SIT1: variants seen among roughly 807,000 people sequenced by gnomAD.
SIT1 encodes the protein signaling threshold-regulating transmembrane adapter 1.
Under a neutral mutation model 23.5 loss-of-function variants are expected in SIT1, and 19 were observed. That is an observed-to-expected ratio of 0.81 (90% CI 0.56 to 1.19). The LOEUF is 1.19. Ranked by LOEUF, SIT1 falls within the 50% of genes most tolerant of loss-of-function variation. The pLI, the probability that SIT1 is intolerant of heterozygous loss-of-function variation, is 0.00. For synonymous variants in SIT1, 114 were observed against 109.1 expected (o/e 1.04, Z -0.28); for missense variants, 213 against 254.9 (o/e 0.84, Z 1.12).
chr9:35,650,596 A>G lies in SIT1; in HGVS notation c.142T>C (p.Leu48=), dbSNP rs1014032159. ...AGAAATAGCAGCGTCACAGCCCCTA[A>G]GAGGACCCACAGTCCCCAGGCCTGG... ...ITQAWGLWVL[L]GAVTLLFLIS... is the part of the protein sequence containing the mutation. The change falls in exon 2 of 5, where the codon TTA becomes CTA. Residue 48 remains leucine (L), a synonymous_variant. Coordinates refer to ENST00000259608, the MANE Select transcript of SIT1 (RefSeq NM_014450.3). This position sits in a 1 kb window ranked among gnomAD's most constrained non-coding sequence, Gnocchi z 4.8. 6.2e-7 allele frequency: 1 copy of G among 1,613,766 alleles called. No homozygotes were observed. The highest frequency in any genetic ancestry group is 8.5e-7 in the Non-Finnish European group (1 of 1,179,994).
In SIT1 at chr9:35,650,474, C is replaced by G; in HGVS notation, c.236+28G>C. On this transcript the variant is annotated intron_variant, in intron 2 of 4. Coordinates refer to ENST00000259608, the MANE Select transcript of SIT1 (RefSeq NM_014450.3). This position sits in a 1 kb window ranked among gnomAD's most constrained non-coding sequence, Gnocchi z 4.8. ...TTCTCGGTAAGAGAGAACTCTCAGT[C>G]AACCCATCCCTGTTGTCCTTCACCC... 2 of 1,613,984 alleles carry G rather than the reference C, an allele frequency of 1.2e-6. No individual in the cohort carries two copies. The highest frequency in any genetic ancestry group is 3.3e-5 in the Admixed American group (2 of 60,022).
In SIT1 at chr9:35,650,484, C is replaced by T; in HGVS notation, c.236+18G>A. 1 of 1,614,102 alleles carries T rather than the reference C, an allele frequency of 6.2e-7. No homozygotes were observed. The highest frequency in any genetic ancestry group is 8.5e-7 in the Non-Finnish European group (1 of 1,179,994). ...GAGAGAACTCTCAGTCAACCCATCC[C>T]TGTTGTCCTTCACCCACCGTCCCTG... On this transcript the variant is annotated intron_variant, in intron 2 of 4. Transcript: ENST00000259608. This position sits in a 1 kb window ranked among gnomAD's most constrained non-coding sequence, Gnocchi z 4.8.
rs1823445176 is a variant in SIT1 at position 35,649,908 on chromosome 9, G to A, written c.531C>T (p.Arg177=). ...ELYASVCAQT[R]RARASFPDQA... ...GATCCGGGAAGGAGGCCCGGGCCCT[G>A]CGGGTCTGGGCACATACTGAGGCAT... The change falls in exon 5 of 5, where the codon CGC becomes CGT. Residue 177 remains arginine (R), a synonymous_variant. Transcript: ENST00000259608. 6.3e-7 allele frequency: 1 copy of A among 1,585,406 alleles called. No individual in the cohort carries two copies. Among genetic ancestry groups the A allele is most frequent in the Non-Finnish European group, 8.6e-7 (1 of 1,166,430 alleles).
Position 35,650,218 on chromosome 9 carries a change from T to C in SIT1, c.323A>G (p.Asp108Gly), listed in dbSNP as rs775087852. 5.0e-6 allele frequency: 8 copies of C among 1,613,878 alleles called. No homozygotes were observed. Among genetic ancestry groups the C allele is most frequent in the Non-Finnish European group, 6.8e-6 (8 of 1,179,954 alleles). ...GCCTCCAAGAGTTGGATCCTGCTGG[T>C]CTGGCTCTGGGTCTTGAGACAGCCG... ...TGRLSQDPEP[D>G]QQDPTLGGPA... is the part of the protein sequence containing the mutation. Residue 108 changes from aspartate (D) to glycine (G), a missense_variant, in exon 4 of 5, where the codon GAC becomes GGC. Coordinates refer to ENST00000259608, the MANE Select transcript of SIT1 (RefSeq NM_014450.3). The surrounding 1 kb of genome is among the most constrained non-coding windows in gnomAD (Gnocchi z 4.8).
rs200012423 is a variant in SIT1 at position 35,650,209 on chromosome 9, T to A, written c.332A>T (p.Asp111Val). The A allele has an allele frequency of 4.3e-6, 7 of 1,613,954 alleles. No homozygotes were observed. The highest frequency in any genetic ancestry group is 1.7e-5 in the Admixed American group (1 of 59,994). The part of the protein sequence containing the change: ...LSQDPEPDQQ[D>V]PTLGGPARAA... ...CCTGGCAGGGCCTCCAAGAGTTGGA[T>A]CCTGCTGGTCTGGCTCTGGGTCTTG... is the stretch of plus-strand genomic sequence containing the variant. Residue 111 changes from aspartate (D) to valine (V), a missense_variant, in exon 4 of 5, where the codon GAT becomes GTT. Transcript: ENST00000259608. The surrounding 1 kb of genome is among the most constrained non-coding windows in gnomAD (Gnocchi z 4.8).
At position 35,650,835 on chromosome 9, in the gene SIT1, G is replaced by C; in HGVS notation, c.19C>G (p.Arg7Gly). The C allele has an allele frequency of 6.2e-7, 1 of 1,611,278 alleles. No individual in the cohort carries two copies. Among genetic ancestry groups the C allele is most frequent in the Non-Finnish European group, 8.5e-7 (1 of 1,178,652 alleles). ...GTCCACAAGCACACTGCTCTGAGCCGAGGGTCAGCCTGGTTCATGGCCTGA... is the reference window on the plus strand; with the variant it reads ...GTCCACAAGCACACTGCTCTGAGCCCAGGGTCAGCCTGGTTCATGGCCTGA... MNQADPRLRAVCLWTLT... is the reference protein window; with the variant it reads MNQADPGLRAVCLWTLT... Residue 7 changes from arginine to glycine, a missense_variant, in exon 1 of 5, where the codon CGG (arginine) becomes GGG (glycine). By Grantham distance (125) the Arg-to-Gly change is moderately radical. Transcript: ENST00000259608. The surrounding 1 kb of genome is among the most constrained non-coding windows in gnomAD (Gnocchi z 4.8).
rs1823436649 is a variant in SIT1 at position 35,649,380 on chromosome 9, G to C, written c.*468C>G. ...CTGTATTCTCCTGCTAGGGTTCTTA[G>C]GTCAAAAGCCAGGCTCGGGTCCCTC... is the stretch of plus-strand genomic sequence containing the variant. On this transcript the variant is annotated 3_prime_UTR_variant, in exon 5 of 5. Transcript: ENST00000259608. 1 of 156,338 alleles carries C rather than the reference G, an allele frequency of 6.4e-6. No individual in the cohort carries two copies. Among genetic ancestry groups the C allele is most frequent in the South Asian group, 2.0e-4 (1 of 4,924 alleles). The allele number at this position is 156,338 out of a possible 1,614,324, so 9.7% of individuals were successfully genotyped here. A position where few individuals can be genotyped will look rare whatever the true frequency, so the allele number is the denominator to read the frequency against.
chr9:35,649,947 G>C lies in SIT1; in HGVS notation c.492C>G (p.Pro164=). ...DSEPKSQASG[P]EPELYASVCA... The stretch of plus-strand genomic sequence containing the variant: ...ATACTGAGGCATAGAGCTCCGGCTC[G>C]GGGCCCGAGGCCTGGGACTTTGGCT... The change falls in exon 5 of 5, where the codon CCC becomes CCG. Residue 164 remains proline (P), a synonymous_variant. Transcript: ENST00000259608. 1 of 1,582,852 alleles carries C rather than the reference G, an allele frequency of 6.3e-7. No individual in the cohort carries two copies. Among genetic ancestry groups the C allele is most frequent in the Non-Finnish European group, 8.6e-7 (1 of 1,164,486 alleles).
At position 35,649,714 on chromosome 9, in the gene SIT1, A is replaced by T. The variant is rs1823441007; in HGVS notation, c.*134T>A. 3 of 631,792 alleles carry T rather than the reference A, an allele frequency of 4.7e-6. No homozygotes were observed. Among genetic ancestry groups the T allele is most frequent in the Admixed American group, 3.2e-5 (1 of 31,566 alleles). The allele number at this position is 631,792 out of a possible 1,614,324, so 39.1% of individuals were successfully genotyped here. ...CTGAGATGTCTCCCTTGAAGCTCAG[A>T]TAGGAAGTCCGGGGTAGATCACATC... On this transcript the variant is annotated 3_prime_UTR_variant, in exon 5 of 5. Transcript: ENST00000259608.
Position 35,649,925 on chromosome 9 carries a change from C to A in SIT1, c.514G>T (p.Val172Leu). 6.3e-7 allele frequency: 1 copy of A among 1,587,066 alleles called. No individual in the cohort carries two copies. The highest frequency in any genetic ancestry group is 8.6e-7 in the Non-Finnish European group (1 of 1,167,244). Residue 172 changes from valine (V) to leucine (L), a missense_variant, in exon 5 of 5, where the codon GTA becomes TTA. Val to Leu is a conservative substitution (Grantham distance 32). Transcript: ENST00000259608. ...CGGGCCCTGCGGGTCTGGGCACATA[C>A]TGAGGCATAGAGCTCCGGCTCGGGG... The part of the protein sequence containing the change: ...SGPEPELYAS[V>L]CAQTRRARAS...
chr9:35,650,655 AG>A lies in SIT1; in HGVS notation c.101-19del, dbSNP rs758791465. ...GGGGATTCCTGTGGATGTGAAAGGA[AG>A]GGGGGTGTAACAGCCCCGCCCCACC... On this transcript the variant is annotated intron_variant, in intron 1 of 4. Coordinates refer to ENST00000259608, the MANE Select transcript of SIT1 (RefSeq NM_014450.3). This position sits in a 1 kb window ranked among gnomAD's most constrained non-coding sequence, Gnocchi z 4.8. 2.5e-6 allele frequency: 4 copies of A among 1,613,156 alleles called. No homozygotes were observed. The highest frequency in any genetic ancestry group is 3.4e-6 in the Non-Finnish European group (4 of 1,179,728).
At position 35,650,822 on chromosome 9, in the gene SIT1, A is replaced by G. The variant is rs1489134309; in HGVS notation, c.32T>C (p.Val11Ala). MNQADPRLRA[V>A]CLWTLTSAAM... ...TGCAGATGTGAGAGTCCACAAGCAC[A>G]CTGCTCTGAGCCGAGGGTCAGCCTG... The change falls in exon 1 of 5, where the codon GTG becomes GCG. Residue 11 changes from valine (V) to alanine (A), a missense_variant. Transcript: ENST00000259608. The surrounding 1 kb of genome is among the most constrained non-coding windows in gnomAD (Gnocchi z 4.8). 11 of 1,612,936 alleles carry G rather than the reference A, an allele frequency of 6.8e-6. No individual in the cohort carries two copies. The highest frequency in any genetic ancestry group is 8.5e-6 in the Non-Finnish European group (10 of 1,179,546).
In SIT1 at chr9:35,650,857, C is replaced by T; in HGVS notation, c.-4G>A. ...GCCGAGGGTCAGCCTGGTTCATGGC[C>T]TGACGGTTTCCACAGCACTTCTTAC... On this transcript the variant is annotated 5_prime_UTR_variant, in exon 1 of 5. Coordinates refer to ENST00000259608, the MANE Select transcript of SIT1 (RefSeq NM_014450.3). The surrounding 1 kb of genome is among the most constrained non-coding windows in gnomAD (Gnocchi z 4.8). 1 of 1,602,426 alleles carries T rather than the reference C, an allele frequency of 6.2e-7. No homozygotes were observed. Among genetic ancestry groups the T allele is most frequent in the Non-Finnish European group, 8.5e-7 (1 of 1,174,150 alleles).
rs565579415 is a variant in SIT1, at chr9:35,650,770, C to A, written c.84G>T (p.Thr28=). The change falls in exon 1 of 5, where the codon ACG becomes ACT. Residue 28 remains threonine (T), a synonymous_variant. Coordinates refer to ENST00000259608, the MANE Select transcript of SIT1 (RefSeq NM_014450.3). The surrounding 1 kb of genome is among the most constrained non-coding windows in gnomAD (Gnocchi z 4.8). ...CCAGCTCACCCAGTGCGAGTAGATC[C>A]GTGCAGTTGTCGCCTCTGCTCATGG... The part of the protein sequence containing the change: ...SAAMSRGDNC[T]DLLALGIPSI... 7.4e-6 allele frequency: 12 copies of A among 1,613,686 alleles called. 1 individual carries two copies. The East Asian group carries it at 1.3e-4, about 18-fold the overall frequency.
At position 35,649,931 on chromosome 9, in the gene SIT1, C is replaced by T. The variant is rs779867296; in HGVS notation, c.508G>A (p.Ala170Thr). 6.3e-7 allele frequency: 1 copy of T among 1,586,018 alleles called. No individual in the cohort carries two copies. The highest frequency in any genetic ancestry group is 1.2e-5 in the South Asian group (1 of 86,896). The change falls in exon 5 of 5, where the codon GCC becomes ACC. Residue 170 changes from alanine to threonine, a missense_variant. Ala to Thr is a moderately conservative substitution (Grantham distance 58). Coordinates refer to ENST00000259608, the MANE Select transcript of SIT1 (RefSeq NM_014450.3). ...QASGPEPELY[A>T]SVCAQTRRAR... ...CTGCGGGTCTGGGCACATACTGAGG[C>T]ATAGAGCTCCGGCTCGGGGCCCGAG...
Position 35,649,848 on chromosome 9 carries a change from T to G in SIT1, c.591A>C (p.Ter197CysextTer20). ...GCCCCGCTGTGCCAGGCCCTCCATC[T>G]CAGCTGGCTGCAGGCTGGCTGTTGG... ...AYANSQPAAS* is the reference protein window; with the variant it reads ...AYANSQPAASC Residue 197 changes from the stop codon to cysteine, a stop_lost, in exon 5 of 5, where the codon TGA becomes TGC. Transcript: ENST00000259608. 6.5e-7 allele frequency: 1 copy of G among 1,529,662 alleles called. No homozygotes were observed. Among genetic ancestry groups the G allele is most frequent in the Non-Finnish European group, 8.8e-7 (1 of 1,132,176 alleles). The allele number at this position is 1,529,662 out of a possible 1,614,324, so 94.8% of individuals were successfully genotyped here.
chr9:35,650,285 T>A lies in SIT1; in HGVS notation c.296-40A>T. 2 of 1,611,388 alleles carry A rather than the reference T, an allele frequency of 1.2e-6. No individual in the cohort carries two copies. The highest frequency in any genetic ancestry group is 1.7e-6 in the Non-Finnish European group (2 of 1,178,156). ...AGGAATCTGGTCAGCAACTTGTCCT[T>A]CCTCCTGCACGCCCCCATCCCAGCC... On this transcript the variant is annotated intron_variant, in intron 3 of 4. Coordinates refer to ENST00000259608, the MANE Select transcript of SIT1 (RefSeq NM_014450.3). The surrounding 1 kb of genome is among the most constrained non-coding windows in gnomAD (Gnocchi z 4.8).
chr9:35,650,444 G>A lies in SIT1; in HGVS notation c.237-29C>T, dbSNP rs1220061429. On this transcript the variant is annotated intron_variant, in intron 2 of 4. Coordinates refer to ENST00000259608, the MANE Select transcript of SIT1 (RefSeq NM_014450.3). This position sits in a 1 kb window ranked among gnomAD's most constrained non-coding sequence, Gnocchi z 4.8. ...CAACGCAGAGTTTAGGGGATGAGTG[G>A]GGACTTCTCGGTAAGAGAGAACTCT... The A allele has an allele frequency of 1.1e-5, 18 of 1,613,868 alleles. No homozygotes were observed. Among genetic ancestry groups the A allele is most frequent in the Non-Finnish European group, 1.5e-5 (18 of 1,179,948 alleles).
Position 35,649,858 on chromosome 9 carries a change from G to A in SIT1, c.581C>T (p.Ala194Val). Residue 194 changes from alanine to valine, a missense_variant, in exon 5 of 5, where the codon GCA becomes GTA. Coordinates refer to ENST00000259608, the MANE Select transcript of SIT1 (RefSeq NM_014450.3). Reference sequence around the variant, plus strand: ...GCCAGGCCCTCCATCTCAGCTGGCTGCAGGCTGGCTGTTGGCATAGGCCTG... The same window carrying A: ...GCCAGGCCCTCCATCTCAGCTGGCTACAGGCTGGCTGTTGGCATAGGCCTG... ...PDQAYANSQP[A>V]AS 1.3e-6 allele frequency: 2 copies of A among 1,542,340 alleles called. No individual in the cohort carries two copies. The highest frequency in any genetic ancestry group is 2.0e-5 in the Admixed American group (1 of 50,412).
Sources: gnomAD v4.1 joint callset for allele counts on GRCh38, gnomAD v4.1.1 for gene constraint, Gnocchi (gnomAD v3.1) non-coding constraint, MANE v1.5 for transcripts, NCBI Gene and HGNC (gene_info 2026-07-23, HGNC 2026-07-21) for gene names.